Variants in PER1 observed in about 807,000 individuals in gnomAD.
PER1 encodes period circadian protein homolog 1.
In PER1, 87 loss-of-function variants were observed where a neutral mutation model predicts 125.9. The ratio of observed to expected loss-of-function variants is 0.69; its 90% CI spans 0.58 to 0.83. The LOEUF is 0.83. PER1 is among the 40% of genes least tolerant of loss of function. The pLI is 0.00. For missense variants in PER1, 1,775 were observed against 1,722.8 expected, an observed-to-expected ratio of 1.03 and a Z score of -0.54; for synonymous variants, 801 against 714.7, an observed-to-expected ratio of 1.12 and a Z score of -1.93.
At chr17:8,142,131 C>G (rs929508856) in intron 21 of PER1, 138 bp downstream of exon 21, 3 of 1,088,888 alleles carry the variant, frequency 2.8e-6, no homozygotes, top group Non-Finnish European at 4.0e-6. Flanking sequence ...CTGGGAGGAA[C>G]TAGTAACAGG....
chr17:8,150,528 T>C lies in PER1; in HGVS notation c.179A>G (p.His60Arg). ...NGSSGNESNG[H>R]ESRGASQRSS... ...CCGCTGAGATGCGCCTCTAGACTCA[T>C]GCCCGTTGGACTCATTGCCACTTGA... The change falls in exon 2 of 23, where the codon CAT becomes CGT. Residue 60 changes from histidine (H) to arginine (R), a missense_variant. Physicochemically the swap from His to Arg is conservative, Grantham distance 29 (BLOSUM62 0). Coordinates refer to ENST00000317276, the MANE Select transcript of PER1 (RefSeq NM_002616.3). 1.2e-6 allele frequency: 2 copies of C among 1,614,162 alleles called. No homozygotes were observed. Among genetic ancestry groups the C allele is most frequent in the Admixed American group, 1.7e-5 (1 of 60,028 alleles).
Position 8,142,375 on chromosome 17 carries a change from C to T in PER1, c.3343G>A (p.Ala1115Thr). 1 of 1,613,516 alleles carries T rather than the reference C, an allele frequency of 6.2e-7. No homozygotes were observed. The highest frequency in any genetic ancestry group is 8.5e-7 in the Non-Finnish European group (1 of 1,179,824). The change falls in exon 21 of 23, where the codon GCT becomes ACT. Residue 1115 changes from alanine (A) to threonine (T), a missense_variant. Coordinates refer to ENST00000317276, the MANE Select transcript of PER1 (RefSeq NM_002616.3). ...EAEAGAARGG[A>T]EPGDQVIKYV... ...TTAATCACCTGGTCCCCAGGCTCAG[C>T]CCCGCCCCGAGCAGCCCCAGCCTCA... is the stretch of plus-strand genomic sequence containing the variant.
chr17:8,141,361 T>C lies in PER1; in HGVS notation c.3601-21A>G, dbSNP rs372213029. On this transcript the variant is annotated intron_variant, in intron 22 of 22. Transcript: ENST00000317276. Reference sequence around the variant, plus strand: ...CAGGCCTTGGTGAGAGAAATGGACATGAGAGAGTCAGACAGGGTTCTCACT... The same window carrying C: ...CAGGCCTTGGTGAGAGAAATGGACACGAGAGAGTCAGACAGGGTTCTCACT... 8 of 1,581,818 alleles carry C rather than the reference T, an allele frequency of 5.1e-6. No homozygotes were observed. The African/African-American group carries it at 9.4e-5, about 19-fold the overall frequency.
chr17:8,142,854 G>A lies in PER1; in HGVS notation c.3073-19C>T, dbSNP rs1051049243. On this transcript the variant is annotated intron_variant, in intron 19 of 22. Coordinates refer to ENST00000317276, the MANE Select transcript of PER1 (RefSeq NM_002616.3). ...CCTCCGCCTGGAGGAGGGGAGGGGG[G>A]CAAGGAGGGATGGAGGGGTCAGCAC... The A allele has an allele frequency of 1.9e-6, 3 of 1,568,424 alleles. No homozygotes were observed. The highest frequency in any genetic ancestry group is 2.3e-5 in the South Asian group (2 of 87,892).
intron 7 of PER1, 25 bp downstream of exon 7, chr17:8,149,234 G>A (rs201889986): frequency 1.2e-4 from 197 of 1,599,452 alleles, no homozygotes; most frequent in East Asian, 9.6e-4. Flanking sequence ...GGAGGCAGAG[G>A]TCTTCTCCAG....
chr17:8,147,486 T>C lies in PER1; in HGVS notation c.1481A>G (p.His494Arg), dbSNP rs538790874. The change falls in exon 12 of 23, where the codon CAC becomes CGC. Residue 494 changes from histidine to arginine, a missense_variant. Transcript: ENST00000317276. ...TACTCTCACCTGCAGCAGCAGCCGGTGGATCTGCTCTGACAGCTCCTGGAT... is the reference window on the plus strand; with the variant it reads ...TACTCTCACCTGCAGCAGCAGCCGGCGGATCTGCTCTGACAGCTCCTGGAT... Reference protein sequence around the residue: ...TDIQELSEQIHRLLLQPVHSP... With the variant: ...TDIQELSEQIRRLLLQPVHSP... 3.1e-6 allele frequency: 5 copies of C among 1,613,840 alleles called. No homozygotes were observed. In the African/African-American group the frequency reaches 4.0e-5, roughly 13 times the overall value.
chr17:8,145,841 G>A lies in PER1; in HGVS notation c.2218+117C>T, dbSNP rs1424740243. Reference sequence around the variant, plus strand: ...AAGAAGCAGTAGCCCCAAGCCCCAGGTCAAGGGAGGCCTCCTTCTCTCCAT... The same window carrying A: ...AAGAAGCAGTAGCCCCAAGCCCCAGATCAAGGGAGGCCTCCTTCTCTCCAT... On this transcript the variant is annotated intron_variant, in intron 17 of 22. Transcript: ENST00000317276. 6.6e-6 allele frequency: 8 copies of A among 1,210,710 alleles called. No homozygotes were observed. In the East Asian group the frequency reaches 1.5e-4, roughly 23 times the overall value. The allele number at this position is 1,210,710 out of a possible 1,614,324, so 75.0% of individuals were successfully genotyped here. A position where few individuals can be genotyped will look rare whatever the true frequency, so the allele number is the denominator to read the frequency against.
chr17:8,142,601 C>T, intron 20 of PER1, 48 bp downstream of exon 20: 1 of 1,599,306 alleles, frequency 6.3e-7, no homozygotes, highest in South Asian at 1.1e-5. Flanking sequence ...GCTCCCGGCT[C>T]CCCAATCACT....
Position 8,147,839 on chromosome 17 carries a change from G to A in PER1, c.1235-12C>T. On this transcript the variant is annotated splice_polypyrimidine_tract_variant and intron_variant, in intron 10 of 22. Transcript: ENST00000317276. Reference sequence around the variant, plus strand: ...CGCCAACTGCAGAACTGATGGAAGTGGGAAAGGAGGAGCGGTCAAAGGGAG... The same window carrying A: ...CGCCAACTGCAGAACTGATGGAAGTAGGAAAGGAGGAGCGGTCAAAGGGAG... 1 of 1,613,602 alleles carries A rather than the reference G, an allele frequency of 6.2e-7. No homozygotes were observed. The highest frequency in any genetic ancestry group is 1.1e-5 in the South Asian group (1 of 91,056).
In PER1 at chr17:8,142,848, AG is replaced by A. The variant is rs548994965; in HGVS notation, c.3073-14del. 1.9e-6 allele frequency: 3 copies of A among 1,574,638 alleles called. No homozygotes were observed. Among genetic ancestry groups the A allele is most frequent in the Non-Finnish European group, 8.6e-7 (1 of 1,163,334 alleles). On this transcript the variant is annotated splice_polypyrimidine_tract_variant and intron_variant, in intron 19 of 22. Coordinates refer to ENST00000317276, the MANE Select transcript of PER1 (RefSeq NM_002616.3). ...CAGTGACCTCCGCCTGGAGGAGGGGAGGGGGGCAAGGAGGGATGGAGGGGTC... is the reference window on the plus strand; with the variant it reads ...CAGTGACCTCCGCCTGGAGGAGGGGAGGGGGCAAGGAGGGATGGAGGGGTC...
Position 8,146,116 on chromosome 17 carries a change from G to C in PER1, c.2060C>G (p.Ser687Cys). The C allele has an allele frequency of 6.2e-7, 1 of 1,608,912 alleles. No individual in the cohort carries two copies. Among genetic ancestry groups the C allele is most frequent in the Non-Finnish European group, 8.5e-7 (1 of 1,177,508 alleles). Residue 687 changes from serine (S) to cysteine (C), a missense_variant, in exon 17 of 23, where the codon TCT (serine) becomes TGT (cysteine). Transcript: ENST00000317276. ...CTTCCGTGGGGTGGCCCCCTCCCCAGACAGCGCTGCTGACGGCGGATCTGT... is the reference window on the plus strand; with the variant it reads ...CTTCCGTGGGGTGGCCCCCTCCCCACACAGCGCTGCTGACGGCGGATCTGT... ...TKKDPPSAAL[S>C]GEGATPRKEP...
chr17:8,141,589 G>T (rs545646690), intron 22 of PER1, among the ~76,000 whole-genome samples: 132 of 152,300 alleles, frequency 8.7e-4, no homozygotes, highest in African/African-American at 3.0e-3. Flanking sequence ...AAAGACTCAC[G>T]CGGCTTAATA....
rs1354076776 is a variant in PER1 at position 8,140,513 on chromosome 17, C to T, written c.*555G>A. ...TGTATTAAAAAAGTAGTAACAGACA[C>T]AAATATCAAAAACACAAATGCCATC... On this transcript the variant is annotated 3_prime_UTR_variant, in exon 23 of 23. Coordinates refer to ENST00000317276, the MANE Select transcript of PER1 (RefSeq NM_002616.3). 1.4e-5 allele frequency: 3 copies of T among 218,792 alleles called. No homozygotes were observed. The highest frequency in any genetic ancestry group is 1.3e-4 in the East Asian group (2 of 14,870). The allele number at this position is 218,792 out of a possible 1,614,324, so 13.6% of individuals were successfully genotyped here.
Position 8,148,700 on chromosome 17 carries a change from G to C in PER1, c.992C>G (p.Ala331Gly), listed in dbSNP as rs762462322. ...YVTKIRVSDG[A>G]PAQPCCLLIA... ...CAGCAGGCAGCACGGCTGTGCAGGG[G>C]CCCCATCTGAGACCCGGATCTTGGT... is the stretch of plus-strand genomic sequence containing the variant. The change falls in exon 8 of 23, where the codon GCC becomes GGC. Residue 331 changes from alanine to glycine, a missense_variant. Coordinates refer to ENST00000317276, the MANE Select transcript of PER1 (RefSeq NM_002616.3). The C allele has an allele frequency of 1.9e-6, 3 of 1,613,828 alleles. No homozygotes were observed. In the East Asian group the frequency reaches 6.7e-5, roughly 36 times the overall value.
At chr17:8,141,700 G>A (rs1297654752) in intron 22 of PER1, 105 bp downstream of exon 22, 1 of 1,031,432 alleles carries the variant, frequency 9.7e-7, no homozygotes, top group East Asian at 5.3e-5. Context: ...CCTTGAACTT[G>A]AGCTCAATTC....
Position 8,149,492 on chromosome 17 carries a change from G to A in PER1, c.823C>T (p.Leu275=), listed in dbSNP as rs1445722867. 1.2e-6 allele frequency: 2 copies of A among 1,613,764 alleles called. No homozygotes were observed. The highest frequency in any genetic ancestry group is 1.7e-5 in the Admixed American group (1 of 60,030). Residue 275 remains leucine (L), a synonymous_variant, in exon 6 of 23, where the codon CTG becomes TTG. Coordinates refer to ENST00000317276, the MANE Select transcript of PER1 (RefSeq NM_002616.3). ...GAGGCCCCTGTGCCCCAGGTGGGCA[G>A]GCGAGATGGAGCAGTGGAACCATAG... ...VFYGSTAPSR[L]PTWGTGASAG... is the part of the protein sequence containing the mutation.
chr17:8,148,150 T>C (rs750635326), intron 9 of PER1, 31 bp downstream of exon 9: 5 of 1,612,332 alleles, frequency 3.1e-6, no homozygotes, highest in Non-Finnish European at 4.2e-6. Context: ...CAGCCCTGGC[T>C]GCCCTCGTCT....
At position 8,150,036 on chromosome 17, in the gene PER1, C is replaced by G; in HGVS notation, c.464G>C (p.Gly155Ala). The G allele has an allele frequency of 1.2e-6, 2 of 1,614,150 alleles. No individual in the cohort carries two copies. Among genetic ancestry groups the G allele is most frequent in the Non-Finnish European group, 1.7e-6 (2 of 1,180,030 alleles). ...GGCCAGGGTCCCAGAGCGGCCCTTGCCCCGGCGCTCTGGCGGCAGTCGAAG... is the reference window on the plus strand; with the variant it reads ...GGCCAGGGTCCCAGAGCGGCCCTTGGCCCGGCGCTCTGGCGGCAGTCGAAG... ...LKLRLPPERR[G>A]KGRSGTLATL... Residue 155 changes from glycine to alanine, a missense_variant, in exon 4 of 23, where the codon GGC (glycine) becomes GCC (alanine). Transcript: ENST00000317276.
intron 10 of PER1, 38 bp downstream of exon 10, chr17:8,147,959 G>A (rs754815123): frequency 6.3e-7 from 1 of 1,593,198 alleles, no homozygotes. Flanking sequence ...CAAAAGCCCA[G>A]GACAGTGGGA....
Sources: allele counts gnomAD v4.1 joint callset (sites outside exome capture counted in the v4.1 genomes callset), GRCh38; gene constraint gnomAD v4.1.1; transcripts MANE v1.5; gene names NCBI Gene and HGNC (gene_info 2026-07-23, HGNC 2026-07-21).